The following PANK2 variants were observed in gnomAD, a reference collection of about 807,000 sequenced individuals.
PANK2 encodes pantothenate kinase 2.
In PANK2, 36 loss-of-function variants were observed where a neutral mutation model predicts 43.1. The ratio of observed to expected loss-of-function variants is 0.84; its 90% CI spans 0.64 to 1.10. The LOEUF is 1.10. Among genes scored for constraint, PANK2 ranks in the 50% least tolerant of loss-of-function variants. The pLI is 0.00. For synonymous variants in PANK2, 281 were observed against 238.2 expected, an observed-to-expected ratio of 1.18 and a Z score of -1.66; for missense variants, 576 against 593.3, an observed-to-expected ratio of 0.97 and a Z score of 0.30.
At chr20:3,911,195 A>C (rs1600543945) in intron 3 of PANK2, among the ~76,000 whole-genome samples, 1 of 152,330 alleles carries the variant, frequency 6.6e-6, no homozygotes, top group South Asian at 2.1e-4. Flanking sequence ...GCTTCCACAC[A>C]CATGTGTGTG....
At chr20:3,892,949 G>T (rs775966525) in intron 1 of PANK2, among the ~76,000 whole-genome samples, 16 of 152,052 alleles carry the variant, frequency 1.1e-4, no homozygotes, top group Non-Finnish European at 5.9e-5. Context: ...GGTGGGGAGG[G>T]GGGTATGTCT....
chr20:3,897,801 G>A (rs1362917308), intron 1 of PANK2, among the ~76,000 whole-genome samples: 1 of 152,146 alleles, frequency 6.6e-6, no homozygotes, highest in African/African-American at 2.4e-5. Flanking sequence ...GAGGTTACGA[G>A]TTCAAGACCA....
At chr20:3,888,927 T>C (rs768071678), upstream of PANK2, 85 of 581,824 alleles carry the variant, frequency 1.5e-4, no homozygotes, top group Non-Finnish European at 2.4e-4. Flanking sequence ...TCAAGCCCTT[T>C]CGTCTGCCGA....
Position 3,889,559 on chromosome 20 carries a change from G to A in PANK2, c.129G>A (p.Gly43=). 4.2e-6 allele frequency: 6 copies of A among 1,431,328 alleles called. No homozygotes were observed. The highest frequency in any genetic ancestry group is 5.4e-6 in the Non-Finnish European group (6 of 1,103,520). 88.7% of individuals were successfully genotyped at this position (1,431,328 alleles called of 1,614,324 possible). A position where few individuals can be genotyped will look rare whatever the true frequency, so the allele number is the denominator to read the frequency against. Reference sequence around the variant, plus strand: ...CGTCGGCTGGGGAGCAGGCGGCCGGGGACCCCGAAGGGCGGCGGCAGGAGC... The same window carrying A: ...CGTCGGCTGGGGAGCAGGCGGCCGGAGACCCCGAAGGGCGGCGGCAGGAGC... Residue 43 remains glycine (G), a synonymous_variant, in exon 1 of 7, where the codon GGG becomes GGA. Transcript: ENST00000610179.
rs1027224600 is a variant in PANK2, at chr20:3,927,706, C to T, written c.*4412C>T. On this transcript the variant is annotated 3_prime_UTR_variant, in exon 7 of 7. Transcript: ENST00000610179. ...GTTCCTAACACTTGCCACACCTGCT[C>T]CCCCGACCGGGGGCCTGGGAGGGAA... is the stretch of plus-strand genomic sequence containing the variant. The T allele has an allele frequency of 1.3e-5, 2 of 152,224 alleles. No homozygotes were observed. Among genetic ancestry groups the T allele is most frequent in the African/African-American group, 4.8e-5 (2 of 41,438 alleles). The allele number at this position is 152,224 out of a possible 1,614,324, so 9.4% of individuals were successfully genotyped here.
At chr20:3,896,147 CTTCTCCTGGG>C (rs988602039) in intron 1 of PANK2, among the ~76,000 whole-genome samples, 6 of 151,572 alleles carry the variant, frequency 4.0e-5, no homozygotes, top group Admixed American at 3.3e-4. Context: ...CTGCAAGCTC[CTTCTCCTGGG>C]TTCATGCCCT....
chr20:3,894,816 T>C (rs1290160028), intron 1 of PANK2, among the ~76,000 whole-genome samples: 1 of 152,070 alleles, frequency 6.6e-6, no homozygotes, highest in African/African-American at 2.4e-5. Context: ...TACTAAGCAA[T>C]AAGCAGGGAC....
At chr20:3,920,375 G>A (rs2090627250) in intron 6 of PANK2, among the ~76,000 whole-genome samples, 1 of 152,006 alleles carries the variant, frequency 6.6e-6, no homozygotes, top group Non-Finnish European at 1.5e-5. Flanking sequence ...AATTAGCTGG[G>A]CGCAATGGCG....
chr20:3,916,162 C>CT (rs2090556458), intron 4 of PANK2, among the ~76,000 whole-genome samples: 1 of 152,102 alleles, frequency 6.6e-6, no homozygotes, highest in African/African-American at 2.4e-5. Context: ...GGTGTTAATA[C>CT]TTTTGTTAGA....
intron 3 of PANK2, among the ~76,000 whole-genome samples, chr20:3,911,278 G>A (rs2090464465): frequency 6.6e-6 from 1 of 152,130 alleles, no homozygotes. Context: ...ATTATTGAGG[G>A]AAGGTAGTAT....
In PANK2 at chr20:3,912,514, T is replaced by A. The variant is rs863223343; in HGVS notation, c.962T>A (p.Phe321Tyr). 3 of 1,614,182 alleles carry A rather than the reference T, an allele frequency of 1.9e-6. No individual in the cohort carries two copies. Among genetic ancestry groups the A allele is most frequent in the South Asian group, 1.1e-5 (1 of 91,084 alleles). The change falls in exon 4 of 7, where the codon TTT becomes TAT. Residue 321 changes from phenylalanine to tyrosine, a missense_variant. This residue lies in a region of PANK2 where 544 missense variants were observed against 528.9 expected (regional missense o/e 1.03). Transcript: ENST00000610179. ...TGTCTTCTTACTGGCTGTACCACTT[T>A]TGAAGAAGCTCTTGAAATGGCATCT...
chr20:3,889,297 G>A (rs767476076), upstream of PANK2: 1 of 1,605,168 alleles, frequency 6.2e-7, no homozygotes, highest in Non-Finnish European at 8.5e-7. Flanking sequence ...CCGACTGGAC[G>A]CGAGGCCTTT....
intron 1 of PANK2, among the ~76,000 whole-genome samples, chr20:3,890,236 C>T (rs2090098574): frequency 3.3e-5 from 5 of 152,196 alleles, no homozygotes; most frequent in Non-Finnish European, 5.9e-5. Context: ...TTCCGTGCAC[C>T]TCTAAGGTGG....
chr20:3,889,863 G>A (rs2090088832), intron 1 of PANK2, 135 bp downstream of exon 1: 1 of 1,533,370 alleles, frequency 6.5e-7, no homozygotes, highest in African/African-American at 1.4e-5. Flanking sequence ...TTGGTGCGTG[G>A]CCTGACATCC....
chr20:3,904,221 T>G (rs1483749104), intron 1 of PANK2, among the ~76,000 whole-genome samples: 1 of 152,082 alleles, frequency 6.6e-6, no homozygotes, highest in Non-Finnish European at 1.5e-5. Flanking sequence ...TTTGTCCCTT[T>G]TTTTTGGTTT....
intron 6 of PANK2, among the ~76,000 whole-genome samples, chr20:3,919,793 A>G (rs1383243784): frequency 2.0e-5 from 3 of 152,210 alleles, no homozygotes; most frequent in South Asian, 2.1e-4. Flanking sequence ...ATTGTATTGC[A>G]TATTTAGTTT....
chr20:3,890,528 T>G (rs2090105617), intron 1 of PANK2, among the ~76,000 whole-genome samples: 1 of 152,230 alleles, frequency 6.6e-6, no homozygotes, highest in African/African-American at 2.4e-5. Flanking sequence ...TGGCAGCCAT[T>G]GCTGCTGTTG....
At chr20:3,920,736 T>G (rs906498460) in intron 6 of PANK2, among the ~76,000 whole-genome samples, 3 of 151,586 alleles carry the variant, frequency 2.0e-5, no homozygotes, top group African/African-American at 7.3e-5. Flanking sequence ...TCCCAGCTAC[T>G]TGGGAGGCTG....
At chr20:3,893,931 GTTTTTTT>G (rs374582085) in intron 1 of PANK2, among the ~76,000 whole-genome samples, 12 of 73,180 alleles carry the variant, frequency 1.6e-4, no homozygotes, top group African/African-American at 4.9e-4. Context: ...TTTGTTTTTT[GTTTTTTT>G]TTTTTTTTTT....
Sources: gnomAD v4.1 joint callset for allele counts (sites outside exome capture counted in the v4.1 genomes callset) on GRCh38, gnomAD v4.1.1 for gene constraint, gnomAD v4.1.1 regional missense constraint, MANE v1.5 for transcripts, NCBI Gene and HGNC (gene_info 2026-07-23, HGNC 2026-07-21) for gene names.